ATP10B: variants seen among roughly 807,000 people sequenced by gnomAD.
ATP10B encodes phospholipid-transporting ATPase VB.
ATP10B carries 122 observed loss-of-function variants against 141.2 expected under a neutral mutation model. The ratio of observed to expected loss-of-function variants is 0.86; its 90% CI spans 0.75 to 1.00. ATP10B has a LOEUF of 1.00. Among genes scored for constraint, ATP10B ranks in the 50% least tolerant of loss-of-function variants. The pLI, the probability that ATP10B is intolerant of heterozygous loss-of-function variation, is 0.00. For missense variants in ATP10B, 1,876 were observed against 1,825.3 expected, an observed-to-expected ratio of 1.03 and a Z score of -0.51; for synonymous variants, 685 against 692.0, an observed-to-expected ratio of 0.99 and a Z score of 0.16.
chr5:160,743,003 C>T (rs1281491522), intron 2 of ATP10B, among the ~76,000 whole-genome samples: 1 of 152,176 alleles, frequency 6.6e-6, no homozygotes. Flanking sequence ...TCATTATAAT[C>T]GCAAAGATGA....
At chr5:160,889,035 A>G in the ATP10B span, among the ~76,000 whole-genome samples, 4 of 152,210 alleles carry the variant, frequency 2.6e-5, no homozygotes, top group African/African-American at 9.7e-5. Flanking sequence ...GGTGGGGATA[A>G]GCCACCTAAA....
intron 1 of ATP10B, among the ~76,000 whole-genome samples, chr5:160,791,085 C>T (rs561682830): frequency 1.3e-5 from 2 of 150,960 alleles, no homozygotes; most frequent in South Asian, 2.1e-4. Flanking sequence ...GAAATATGGG[C>T]CTGCAGTCCT....
At chr5:160,880,415 A>C in the ATP10B span, among the ~76,000 whole-genome samples, 842 of 152,220 alleles carry the variant, frequency 5.5e-3, 9 homozygotes, top group African/African-American at 0.019. Flanking sequence ...CAAAATTCCG[A>C]GAAGTTCTTT....
intron 1 of ATP10B, among the ~76,000 whole-genome samples, chr5:160,819,054 C>T (rs374798860): frequency 2.6e-5 from 4 of 152,000 alleles, no homozygotes; most frequent in South Asian, 2.1e-4. Context: ...ATGCTAATGA[C>T]GAGTTAATGG....
chr5:160,816,521 A>T (rs1043265327), intron 1 of ATP10B, among the ~76,000 whole-genome samples: 2 of 152,098 alleles, frequency 1.3e-5, no homozygotes, highest in Non-Finnish European at 2.9e-5. Context: ...TAGCTTACCA[A>T]CCAAAAAAAA....
chr5:160,596,860 A>G (rs1219254478), intron 22 of ATP10B, among the ~76,000 whole-genome samples: 2 of 152,232 alleles, frequency 1.3e-5, no homozygotes, highest in Non-Finnish European at 2.9e-5. Flanking sequence ...CTCTTCAAAG[A>G]GAACTACAAA....
intron 6 of ATP10B, chr5:160,685,505 A>C: frequency 3.6e-6 from 1 of 278,764 alleles, no homozygotes. Context: ...AGGTGTACCA[A>C]CTCTGGGTCC....
intron 9 of ATP10B, among the ~76,000 whole-genome samples, chr5:160,643,513 CT>C (rs774150183): frequency 4.6e-5 from 7 of 152,162 alleles, no homozygotes; most frequent in Non-Finnish European, 8.8e-5. Flanking sequence ...CCCTCCAAGA[CT>C]TTAGATTCCA....
chr5:160,722,575 T>TA lies in ATP10B; in HGVS notation c.-330-5542dup, dbSNP rs201293757. ...AACACAGGGAAAAAGATTCAGGGATTAAAAAAAAAATAAGGCACAGAAAAC... is the reference window on the plus strand; with the variant it reads ...AACACAGGGAAAAAGATTCAGGGATTAAAAAAAAAAATAAGGCACAGAAAAC... On this transcript the variant is annotated intron_variant, in intron 2 of 25. Transcript: ENST00000327245. 3.5e-4 allele frequency among the ~76,000 whole-genome samples: 53 copies of TA among 149,378 alleles called. No homozygotes were observed. The South Asian group carries it at 4.5e-3, about 13-fold the overall frequency.
At chr5:160,579,579 A>G (rs973300163) in intron 24 of ATP10B, among the ~76,000 whole-genome samples, 2 of 152,140 alleles carry the variant, frequency 1.3e-5, no homozygotes, top group African/African-American at 4.8e-5. Flanking sequence ...GCCTTGTAGC[A>G]TAGTTTGAAG....
At chr5:160,762,780 G>A (rs1769136643) in intron 2 of ATP10B, among the ~76,000 whole-genome samples, 1 of 152,076 alleles carries the variant, frequency 6.6e-6, no homozygotes, top group Non-Finnish European at 1.5e-5. Context: ...ATGGCAGAAT[G>A]GATTAAAATT....
intron 22 of ATP10B, among the ~76,000 whole-genome samples, chr5:160,593,295 C>T (rs1031682999): frequency 1.3e-5 from 2 of 152,212 alleles, no homozygotes; most frequent in African/African-American, 2.4e-5. Flanking sequence ...GCTGCTGTTA[C>T]CCAGGCAAAC....
At chr5:160,899,224 T>TG in the ATP10B span, among the ~76,000 whole-genome samples, 1 of 151,788 alleles carries the variant, frequency 6.6e-6, no homozygotes, top group Non-Finnish European at 1.5e-5. Context: ...ATATTGAAAG[T>TG]GGGGGGGAGG....
chr5:160,636,438 T>G, intron 10 of ATP10B, 129 bp from the exon 11 acceptor site: 1 of 928,444 alleles, frequency 1.1e-6, no homozygotes, highest in Non-Finnish European at 1.6e-6. Flanking sequence ...TTCCATACAA[T>G]GTAGCTCTGT....
intron 2 of ATP10B, among the ~76,000 whole-genome samples, chr5:160,775,842 G>C (rs1030786824): frequency 1.3e-5 from 2 of 151,850 alleles, no homozygotes; most frequent in African/African-American, 2.4e-5. Context: ...CACCATGCCC[G>C]GCTAATTTTT....
At chr5:160,912,853 T>G in the ATP10B span, among the ~76,000 whole-genome samples, 4 of 152,138 alleles carry the variant, frequency 2.6e-5, no homozygotes, top group Non-Finnish European at 4.4e-5. Context: ...GGCTCCAGAA[T>G]AGATTTCATG....
intron 16 of ATP10B, among the ~76,000 whole-genome samples, chr5:160,616,767 C>T (rs533490665): frequency 3.3e-4 from 50 of 152,316 alleles, no homozygotes; most frequent in East Asian, 5.8e-4. Context: ...AACAAGTAGG[C>T]CTTTTGCTTT....
At chr5:160,668,942 C>T (rs1217789323) in intron 7 of ATP10B, among the ~76,000 whole-genome samples, 1 of 152,210 alleles carries the variant, frequency 6.6e-6, no homozygotes, top group East Asian at 1.9e-4. Flanking sequence ...ATGACCCTTG[C>T]TCCTAGAACT....
At chr5:160,671,498 C>A (rs1762703615) in intron 6 of ATP10B, among the ~76,000 whole-genome samples, 1 of 152,108 alleles carries the variant, frequency 6.6e-6, no homozygotes, top group Non-Finnish European at 1.5e-5. Flanking sequence ...GATCCGGAGC[C>A]ACACTGAAAC....
Sources: allele counts gnomAD v4.1 joint callset (sites outside exome capture counted in the v4.1 genomes callset), GRCh38; gene constraint gnomAD v4.1.1; transcripts MANE v1.5; gene names NCBI Gene and HGNC (gene_info 2026-07-23, HGNC 2026-07-21).